Variants in LYST observed in about 807,000 individuals in gnomAD.
LYST encodes the protein lysosomal-trafficking regulator.
Under a neutral mutation model 413.6 loss-of-function variants are expected in LYST, and 192 were observed. The ratio of observed to expected loss-of-function variants is 0.46; its 90% CI spans 0.41 to 0.52. The LOEUF (loss-of-function observed/expected upper bound fraction) is 0.52, where lower values mean the gene tolerates loss of function less well. LYST is among the 20% of genes least tolerant of loss of function. The pLI, the probability that LYST is intolerant of heterozygous loss-of-function variation, is 0.00. For missense variants in LYST, 3,815 were observed against 4,499.9 expected, an observed-to-expected ratio of 0.85 and a Z score of 4.35; for synonymous variants, 1,525 against 1,567.3, an observed-to-expected ratio of 0.97 and a Z score of 0.64.
intron 25 of LYST, among the ~76,000 whole-genome samples, chr1:235,754,113 AT>A (rs1429672620): frequency 3.3e-5 from 5 of 151,586 alleles, no homozygotes; most frequent in Non-Finnish European, 5.9e-5. Flanking sequence ...TAGGTGAGGG[AT>A]TTACTCCTCT....
chr1:235,845,437 A>G (rs995628123), intron 1 of LYST, among the ~76,000 whole-genome samples: 1 of 152,172 alleles, frequency 6.6e-6, no homozygotes, highest in Non-Finnish European at 1.5e-5. Flanking sequence ...AGGGAAAGGA[A>G]TTCTCTAGCC....
At chr1:235,798,826 T>C (rs1418712774) in intron 10 of LYST, among the ~76,000 whole-genome samples, 1 of 152,062 alleles carries the variant, frequency 6.6e-6, no homozygotes. Context: ...GAAGAATCCG[T>C]GCAGGGGAGG....
At chr1:235,731,417 G>C (rs1012016470) in intron 34 of LYST, among the ~76,000 whole-genome samples, 5 of 152,142 alleles carry the variant, frequency 3.3e-5, no homozygotes, top group African/African-American at 7.2e-5. Flanking sequence ...TCTGCTTCCA[G>C]TTTCTTTCAA....
intron 15 of LYST, among the ~76,000 whole-genome samples, chr1:235,781,585 T>A (rs1412447767): frequency 6.6e-6 from 1 of 152,098 alleles, no homozygotes. Context: ...AGTTTACTAG[T>A]CATGATGCTA....
chr1:235,785,707 C>T (rs1670345614), intron 14 of LYST, among the ~76,000 whole-genome samples: 2 of 152,150 alleles, frequency 1.3e-5, no homozygotes, highest in Non-Finnish European at 1.5e-5. Flanking sequence ...ATTTTTATTT[C>T]TCATTATTCA....
intron 47 of LYST, 55 bp downstream of exon 47, chr1:235,693,295 G>T: frequency 7.5e-7 from 1 of 1,335,682 alleles, no homozygotes; most frequent in Non-Finnish European, 1.1e-6. Flanking sequence ...AGCTTGGGCG[G>T]CAGAGTGAGA....
intron 42 of LYST, chr1:235,712,770 G>C: frequency 1.0e-6 from 1 of 984,808 alleles, no homozygotes; most frequent in Non-Finnish European, 1.2e-6. Flanking sequence ...AAAATTTCCT[G>C]TGAATGAAAA....
In LYST at chr1:235,664,760, G is replaced by A. The variant is rs1344991194; in HGVS notation, c.11039-139C>T. The A allele has an allele frequency of 2.7e-6, 2 of 732,130 alleles. No homozygotes were observed. The highest frequency in any genetic ancestry group is 2.7e-5 in the East Asian group (1 of 37,336). 45.4% of individuals were successfully genotyped at this position (732,130 alleles called of 1,614,324 possible). A position where few individuals can be genotyped will look rare whatever the true frequency, so the allele number is the denominator to read the frequency against. ...TGTAGACAACCCATGACTGAAGACTGTATAAATGAAATTACTACACAAGTT... is the reference window on the plus strand; with the variant it reads ...TGTAGACAACCCATGACTGAAGACTATATAAATGAAATTACTACACAAGTT... On this transcript the variant is annotated intron_variant, in intron 50 of 52. Coordinates refer to ENST00000389793, the MANE Select transcript of LYST (RefSeq NM_000081.4). The surrounding 1 kb of genome is among the most constrained non-coding windows in gnomAD (Gnocchi z 4.5).
rs762430643 is a variant in LYST at position 235,755,428 on chromosome 1, G to GAAAAGAAAAGAA, written c.7229+49_7229+50insTTCTTTTCTTTT. 303 of 1,228,178 alleles carry GAAAAGAAAAGAA rather than the reference G, an allele frequency of 2.5e-4. No individual in the cohort carries two copies. The African/African-American group carries it at 4.6e-3, about 19-fold the overall frequency. The allele number at this position is 1,228,178 out of a possible 1,614,324, so 76.1% of individuals were successfully genotyped here. A position where few individuals can be genotyped will look rare whatever the true frequency, so the allele number is the denominator to read the frequency against. On this transcript the variant is annotated intron_variant, in intron 25 of 52. Coordinates refer to ENST00000389793, the MANE Select transcript of LYST (RefSeq NM_000081.4). ...GAAAAGAAAAGAAAAGAAAAGAAAA[G>GAAAAGAAAAGAA]AAAAAAGACAAAAGATTCCCAATTA...
intron 3 of LYST, among the ~76,000 whole-genome samples, chr1:235,821,702 A>G (rs1674764118): frequency 6.6e-6 from 1 of 152,206 alleles, no homozygotes; most frequent in South Asian, 2.1e-4. Context: ...TCTGTTGCAT[A>G]TTCTTCTGTT....
intron 1 of LYST, among the ~76,000 whole-genome samples, chr1:235,873,462 G>A (rs1413554840): frequency 3.9e-5 from 6 of 152,100 alleles, no homozygotes; most frequent in Non-Finnish European, 8.8e-5. Flanking sequence ...TACAACGTAG[G>A]AAATGGAAGT....
chr1:235,696,516 G>A (rs1054251783), intron 46 of LYST, among the ~76,000 whole-genome samples: 11 of 152,184 alleles, frequency 7.2e-5, no homozygotes, highest in African/African-American at 2.4e-4. Flanking sequence ...TGGAATGGCT[G>A]AGGGACTGCT....
intron 45 of LYST, among the ~76,000 whole-genome samples, chr1:235,698,741 C>T (rs940728026): frequency 4.6e-5 from 7 of 152,096 alleles, no homozygotes; most frequent in South Asian, 2.1e-4. Flanking sequence ...GGCGTGGTGG[C>T]GGGTGCCTGC....
chr1:235,805,116 G>T (rs1251438412), intron 6 of LYST, among the ~76,000 whole-genome samples: 1 of 152,184 alleles, frequency 6.6e-6, no homozygotes, highest in Non-Finnish European at 1.5e-5. Flanking sequence ...GGACAGAAGA[G>T]GTCTGCCATA....
intron 14 of LYST, 86 bp from the exon 15 acceptor site, chr1:235,782,173 G>A: frequency 8.3e-7 from 1 of 1,207,578 alleles, no homozygotes; most frequent in South Asian, 1.4e-5. Flanking sequence ...TTTAACAATG[G>A]GGAATTCTTT....
intron 12 of LYST, among the ~76,000 whole-genome samples, chr1:235,789,907 C>T (rs559849613): frequency 1.3e-5 from 2 of 152,166 alleles, no homozygotes; most frequent in Non-Finnish European, 2.9e-5. Flanking sequence ...ATGCTCACAA[C>T]CATCTTATAA....
intron 42 of LYST, chr1:235,713,056 G>A (rs556249572): frequency 4.7e-5 from 46 of 985,256 alleles, no homozygotes; most frequent in African/African-American, 1.6e-4. Context: ...CAAACACATC[G>A]CAGCATCAGG....
chr1:235,707,179 T>C (rs573754595), intron 44 of LYST, among the ~76,000 whole-genome samples: 103 of 152,320 alleles, frequency 6.8e-4, no homozygotes, highest in African/African-American at 2.4e-3. Context: ...CCATCTACCT[T>C]GGAGAGGAAA....
In LYST at chr1:235,791,798, C is replaced by G. The variant is rs1671025505; in HGVS notation, c.4444G>C (p.Glu1482Gln). 1 of 1,613,844 alleles carries G rather than the reference C, an allele frequency of 6.2e-7. No individual in the cohort carries two copies. The highest frequency in any genetic ancestry group is 1.1e-5 in the South Asian group (1 of 91,084). ...GFSVSLWFNVECIHEAESTTE... is the reference protein window; with the variant it reads ...GFSVSLWFNVQCIHEAESTTE... Reference sequence around the variant, plus strand: ...GTACTCTCAGCTTCATGGATACACTCCACATTAAACCACAGGGAAACACTG... The same window carrying G: ...GTACTCTCAGCTTCATGGATACACTGCACATTAAACCACAGGGAAACACTG... The change falls in exon 12 of 53, where the codon GAG becomes CAG. Residue 1482 changes from glutamate to glutamine, a missense_variant. By Grantham distance (29) the Glu-to-Gln change is conservative. Transcript: ENST00000389793.
Sources: allele counts gnomAD v4.1 joint callset (sites outside exome capture counted in the v4.1 genomes callset), GRCh38; gene constraint gnomAD v4.1.1; non-coding constraint Gnocchi (gnomAD v3.1); transcripts MANE v1.5; gene names NCBI Gene and HGNC (gene_info 2026-07-23, HGNC 2026-07-21).